Variants in EYA2 observed in about 807,000 individuals in gnomAD.
EYA2 encodes EYA transcriptional coactivator and phosphatase 2.
In EYA2, 31 loss-of-function variants were observed where a neutral mutation model predicts 69.2. The ratio of observed to expected loss-of-function variants is 0.45; its 90% CI spans 0.34 to 0.60. EYA2 has a LOEUF of 0.60. Among genes scored for constraint, EYA2 ranks in the 20% least tolerant of loss-of-function variants. The pLI is 0.02. For synonymous variants in EYA2, 257 were observed against 279.4 expected (o/e 0.92, Z 0.80); for missense variants, 622 against 701.2 (o/e 0.89, Z 1.28).
At chr20:46,947,288 GTTTT>G (rs78457445) in intron 1 of EYA2, among the ~76,000 whole-genome samples, 1 of 145,250 alleles carries the variant, frequency 6.9e-6, no homozygotes, top group Non-Finnish European at 1.5e-5. Context: ...TGGAATCTAA[GTTTT>G]TTTTTTTTTC....
chr20:46,988,795 C>T (rs995469029), intron 1 of EYA2, among the ~76,000 whole-genome samples: 2 of 152,214 alleles, frequency 1.3e-5, no homozygotes, highest in Non-Finnish European at 2.9e-5. Context: ...TCCATCTACC[C>T]TGGCTCAGGT....
intron 1 of EYA2, among the ~76,000 whole-genome samples, chr20:46,907,462 G>A (rs756570277): frequency 2.0e-5 from 3 of 152,230 alleles, no homozygotes; most frequent in Non-Finnish European, 4.4e-5. Flanking sequence ...CCAGTCTGTG[G>A]CAGAGTGGGG....
intron 9 of EYA2, among the ~76,000 whole-genome samples, chr20:47,106,060 G>T (rs976189431): frequency 1.2e-4 from 18 of 152,022 alleles, no homozygotes; most frequent in Admixed American, 7.2e-4. Context: ...GCCAACGAGA[G>T]GCTTTAATAT....
intron 14 of EYA2, among the ~76,000 whole-genome samples, chr20:47,182,160 C>T (rs1272170668): frequency 6.6e-6 from 1 of 151,908 alleles, no homozygotes; most frequent in Non-Finnish European, 1.5e-5. Context: ...AGACTACAGG[C>T]GTGCACCACT....
intron 12 of EYA2, among the ~76,000 whole-genome samples, chr20:47,173,287 C>T (rs963908382): frequency 6.6e-6 from 1 of 151,906 alleles, no homozygotes; most frequent in African/African-American, 2.4e-5. Context: ...TCTGTGTTTT[C>T]ACAGCCCTGG....
chr20:46,994,463 G>A (rs902591268), intron 2 of EYA2, among the ~76,000 whole-genome samples: 43 of 152,134 alleles, frequency 2.8e-4, no homozygotes, highest in African/African-American at 8.9e-4. Flanking sequence ...TTTCCAAGGA[G>A]AGGTGAAACC....
chr20:46,902,965 A>T (rs1471705547), intron 1 of EYA2, among the ~76,000 whole-genome samples: 1 of 152,226 alleles, frequency 6.6e-6, no homozygotes, highest in Non-Finnish European at 1.5e-5. Context: ...ACCAGAAATA[A>T]CATGCACTTG....
At chr20:47,036,566 TC>T (rs1984725574) in intron 5 of EYA2, among the ~76,000 whole-genome samples, 1 of 152,208 alleles carries the variant, frequency 6.6e-6, no homozygotes. Flanking sequence ...TTTAACTTCT[TC>T]CACTTGCTTC....
chr20:47,016,129 G>T (rs771134776), intron 4 of EYA2, 52 bp from the exon 5 acceptor site: 104 of 1,279,740 alleles, frequency 8.1e-5, no homozygotes, highest in East Asian at 1.8e-4. Context: ...TGACAAGGAC[G>T]CATCCTAATC....
intron 10 of EYA2, among the ~76,000 whole-genome samples, chr20:47,165,348 G>A (rs2034160383): frequency 6.6e-6 from 1 of 152,202 alleles, no homozygotes; most frequent in Non-Finnish European, 1.5e-5. Flanking sequence ...AGCAGTAAAA[G>A]CTTAGGTGTA....
At chr20:46,896,746 G>T (rs185005685) in intron 1 of EYA2, among the ~76,000 whole-genome samples, 70 of 152,308 alleles carry the variant, frequency 4.6e-4, no homozygotes, top group African/African-American at 1.6e-3. Flanking sequence ...GACCAATGTG[G>T]TTAGATGCAA....
chr20:47,158,836 A>G (rs1321312914), intron 10 of EYA2, among the ~76,000 whole-genome samples: 1 of 152,004 alleles, frequency 6.6e-6, no homozygotes, highest in Non-Finnish European at 1.5e-5. Context: ...GAACAACAAA[A>G]TAAAACAAAA....
intron 5 of EYA2, among the ~76,000 whole-genome samples, chr20:47,058,623 T>A (rs1439242596): frequency 1.3e-5 from 2 of 152,096 alleles, no homozygotes; most frequent in African/African-American, 2.4e-5. Flanking sequence ...GGTGGGAGGA[T>A]CACTTGAGGC....
At chr20:46,898,113 C>T (rs1222926526) in intron 1 of EYA2, among the ~76,000 whole-genome samples, 1 of 152,002 alleles carries the variant, frequency 6.6e-6, no homozygotes, top group African/African-American at 2.4e-5. Flanking sequence ...GAGAATTCGC[C>T]TAATGATGTG....
intron 9 of EYA2, among the ~76,000 whole-genome samples, chr20:47,109,945 G>C (rs1210245389): frequency 6.6e-6 from 1 of 152,166 alleles, no homozygotes. Context: ...GCATCTGACC[G>C]CTGCATAGTC....
At chr20:47,096,099 G>A (rs1451884876) in intron 8 of EYA2, 3 of 152,138 alleles carry the variant, frequency 2.0e-5, no homozygotes, top group African/African-American at 7.2e-5. Flanking sequence ...AGACAGGTAT[G>A]ATACATATAT....
chr20:46,940,921 G>A (rs2146262572), intron 1 of EYA2, among the ~76,000 whole-genome samples: 1 of 152,294 alleles, frequency 6.6e-6, no homozygotes, highest in Admixed American at 6.5e-5. Context: ...TTGCCTGCCG[G>A]GCCCCTAGCC....
chr20:47,149,203 G>T (rs138526203), intron 10 of EYA2, among the ~76,000 whole-genome samples: 8 of 152,276 alleles, frequency 5.3e-5, no homozygotes, highest in East Asian at 1.9e-4. Context: ...GATTAAAGAT[G>T]ATTCCAAATT....
intron 10 of EYA2, 150 bp downstream of exon 10, chr20:47,143,298 C>CA (rs2033635209): frequency 3.1e-6 from 2 of 654,778 alleles, no homozygotes; most frequent in Non-Finnish European, 5.0e-6. Context: ...TAACAACCCC[C>CA]AAAAAGGCCC....
Sources: allele counts gnomAD v4.1 joint callset (sites outside exome capture counted in the v4.1 genomes callset), GRCh38; gene constraint gnomAD v4.1.1; transcripts MANE v1.5; gene names NCBI Gene and HGNC (gene_info 2026-07-23, HGNC 2026-07-21).